Variants in ME3 observed in about 807,000 individuals in gnomAD.
The protein encoded by ME3 is malic enzyme 3, also known as NADP-dependent malic enzyme, mitochondrial.
Under a neutral mutation model 68.9 loss-of-function variants are expected in ME3, and 48 were observed. The ratio of observed to expected loss-of-function variants is 0.70; its 90% CI spans 0.55 to 0.89. The LOEUF is 0.89. Ranked by LOEUF, ME3 falls within the 40% of genes least tolerant of loss-of-function variation. The probability of loss-of-function intolerance (pLI) is 0.00; values close to 1 mark genes in which losing one functional copy is unlikely to be tolerated. For synonymous variants in ME3, 320 were observed against 318.8 expected (o/e 1.00, Z -0.04); for missense variants, 675 against 797.4 (o/e 0.85, Z 1.85).
intron 2 of ME3, among the ~76,000 whole-genome samples, chr11:86,577,250 G>GA (rs1958167801): frequency 1.3e-5 from 2 of 152,264 alleles, no homozygotes; most frequent in African/African-American, 4.8e-5. Flanking sequence ...ACAGATAGGG[G>GA]ATCAGAAAAG....
At chr11:86,667,090 G>T (rs1946632073) in intron 2 of ME3, among the ~76,000 whole-genome samples, 1 of 152,212 alleles carries the variant, frequency 6.6e-6, no homozygotes, top group South Asian at 2.1e-4. Context: ...CAGGTTTACT[G>T]CTCTAAATGT....
At chr11:86,640,957 A>C (rs576438195) in intron 2 of ME3, among the ~76,000 whole-genome samples, 1 of 149,542 alleles carries the variant, frequency 6.7e-6, no homozygotes, top group Admixed American at 6.7e-5. Context: ...GGTGTTCCCA[A>C]CTCCCCAGAG....
intron 2 of ME3, among the ~76,000 whole-genome samples, chr11:86,599,627 A>G (rs200414327): frequency 0.17 from 26,497 of 152,128 alleles, 2,657 homozygotes; most frequent in East Asian, 0.39. Context: ...CTTGAGAAGA[A>G]CAACTCCAAG....
At chr11:86,535,838 C>T (rs79436102) in intron 4 of ME3, among the ~76,000 whole-genome samples, 1,910 of 152,274 alleles carry the variant, frequency 0.013, 41 homozygotes, top group African/African-American at 0.043. Flanking sequence ...CTCTAGGATT[C>T]TATTGGAAGT....
At chr11:86,559,776 G>A (rs747391647) in exon 3 of ME3, 1 of 1,614,058 alleles carries the variant, frequency 6.2e-7, no homozygotes, top group African/African-American at 1.3e-5. Flanking sequence ...GCGGGATTAG[G>A]CCGTGGATTC....
At chr11:86,551,132 G>T (rs1211855398) in intron 4 of ME3, among the ~76,000 whole-genome samples, 1 of 152,134 alleles carries the variant, frequency 6.6e-6, no homozygotes, top group Non-Finnish European at 1.5e-5. Context: ...CCTCTTATGG[G>T]TATGGGGTGA....
chr11:86,565,088 A>G (rs1284364773), intron 2 of ME3, among the ~76,000 whole-genome samples: 1 of 152,252 alleles, frequency 6.6e-6, no homozygotes, highest in African/African-American at 2.4e-5. Context: ...GCACATGGAA[A>G]GACACTGAAC....
intron 2 of ME3, among the ~76,000 whole-genome samples, chr11:86,573,087 G>T (rs1957898211): frequency 6.6e-6 from 1 of 152,076 alleles, no homozygotes; most frequent in African/African-American, 2.4e-5. Flanking sequence ...TTTTTGAGAA[G>T]TGTCTGTTCA....
intron 6 of ME3, among the ~76,000 whole-genome samples, chr11:86,496,240 G>C (rs539812979): frequency 6.6e-6 from 1 of 151,838 alleles, no homozygotes; most frequent in African/African-American, 2.4e-5. Flanking sequence ...ACCCCATCTC[G>C]ACTAAAAATA....
At chr11:86,565,085 G>T (rs992068277) in intron 2 of ME3, among the ~76,000 whole-genome samples, 2 of 152,152 alleles carry the variant, frequency 1.3e-5, no homozygotes, top group Non-Finnish European at 2.9e-5. Flanking sequence ...ATAGCACATG[G>T]AAAGACACTG....
chr11:86,453,790 G>T (rs1190337691), intron 8 of ME3, among the ~76,000 whole-genome samples: 1 of 152,214 alleles, frequency 6.6e-6, no homozygotes, highest in Admixed American at 6.5e-5. Flanking sequence ...TCCTGAAGCA[G>T]AAGTTGAACC....
intron 4 of ME3, among the ~76,000 whole-genome samples, chr11:86,546,093 G>A (rs1208853013): frequency 8.5e-5 from 13 of 152,152 alleles, no homozygotes. Flanking sequence ...AAATGGTGTT[G>A]GGAAAACTGG....
intron 4 of ME3, among the ~76,000 whole-genome samples, chr11:86,518,008 C>A (rs553024834): frequency 6.6e-6 from 1 of 152,290 alleles, no homozygotes; most frequent in South Asian, 2.1e-4. Context: ...TAGGGCTTGG[C>A]ATGTGGTAAA....
intron 7 of ME3, among the ~76,000 whole-genome samples, chr11:86,465,632 G>T (rs11828773): frequency 0.077 from 11,709 of 152,126 alleles, 504 homozygotes; most frequent in South Asian, 0.11. Flanking sequence ...AGTAGGTGGG[G>T]AGCCCCTGCA....
At chr11:86,488,532 G>A (rs1951823418) in intron 6 of ME3, among the ~76,000 whole-genome samples, 1 of 152,084 alleles carries the variant, frequency 6.6e-6, no homozygotes, top group Non-Finnish European at 1.5e-5. Context: ...TTAACACCTA[G>A]CCTGTGTTCA....
chr11:86,649,375 C>T (rs1273911292), intron 2 of ME3, among the ~76,000 whole-genome samples: 4 of 152,186 alleles, frequency 2.6e-5, no homozygotes, highest in Admixed American at 6.5e-5. Context: ...TGGGCACAAG[C>T]TGGAAGCATT....
At chr11:86,644,295 T>C (rs557089589) in intron 2 of ME3, among the ~76,000 whole-genome samples, 1 of 152,290 alleles carries the variant, frequency 6.6e-6, no homozygotes, top group South Asian at 2.1e-4. Flanking sequence ...CTTCTTCCAC[T>C]CTTGCCCTCT....
chr11:86,658,130 C>T (rs563335246), intron 2 of ME3, among the ~76,000 whole-genome samples: 598 of 34,668 alleles, frequency 0.017, 7 homozygotes, highest in African/African-American at 0.064. Flanking sequence ...ACCTTCTTCA[C>T]AATTTTTTTT....
intron 2 of ME3, among the ~76,000 whole-genome samples, chr11:86,613,288 C>T (rs1322686257): frequency 6.6e-6 from 1 of 151,946 alleles, no homozygotes; most frequent in Non-Finnish European, 1.5e-5. Flanking sequence ...GTTAAAAACT[C>T]TCAATAAACT....
Sources: allele counts gnomAD v4.1 joint callset (sites outside exome capture counted in the v4.1 genomes callset), GRCh38; gene constraint gnomAD v4.1.1; transcripts MANE v1.5; gene names NCBI Gene and HGNC (gene_info 2026-07-23, HGNC 2026-07-21).